The following CCDC102B variants were observed in gnomAD, a reference collection of about 807,000 sequenced individuals.
The protein encoded by CCDC102B is coiled-coil domain-containing protein 102B.
Under a neutral mutation model 57.4 loss-of-function variants are expected in CCDC102B, and 75 were observed. The observed-to-expected ratio is 1.31, with a 90% CI of 1.08 to 1.58. The LOEUF (loss-of-function observed/expected upper bound fraction) is 1.58, where lower values mean the gene tolerates loss of function less well. Among genes scored for constraint, CCDC102B ranks in the 40% most tolerant of loss-of-function variants. The pLI is 0.00. For missense variants in CCDC102B, 636 were observed against 582.6 expected, an observed-to-expected ratio of 1.09 and a Z score of -0.94; for synonymous variants, 206 against 201.9, an observed-to-expected ratio of 1.02 and a Z score of -0.17.
chr18:68,766,951 G>T (rs887561515), intron 2 of CCDC102B, among the ~76,000 whole-genome samples: 9 of 152,110 alleles, frequency 5.9e-5, no homozygotes, highest in Admixed American at 1.3e-4. Context: ...AAAGATAAAT[G>T]CTGTTTTTCC....
chr18:69,016,328 TCA>T (rs1393603637), intron 7 of CCDC102B, among the ~76,000 whole-genome samples: 2 of 152,058 alleles, frequency 1.3e-5, no homozygotes, highest in East Asian at 3.9e-4. Flanking sequence ...TAAACTGAAA[TCA>T]CAAGGTTAAG....
intron 6 of CCDC102B, among the ~76,000 whole-genome samples, chr18:69,004,258 A>C (rs2051281464): frequency 1.3e-5 from 2 of 152,166 alleles, no homozygotes; most frequent in South Asian, 4.1e-4. Flanking sequence ...TAGGTAGTAC[A>C]TTAGCTATGG....
chr18:68,736,115 G>T (rs1341470627), intron 2 of CCDC102B, among the ~76,000 whole-genome samples: 1 of 152,104 alleles, frequency 6.6e-6, no homozygotes, highest in East Asian at 1.9e-4. Context: ...AAATTATTTA[G>T]GTGGAGAGGA....
chr18:68,843,297 T>C (rs1599552684), intron 3 of CCDC102B, among the ~76,000 whole-genome samples: 1 of 152,334 alleles, frequency 6.6e-6, no homozygotes, highest in East Asian at 1.9e-4. Flanking sequence ...AATCATTTGA[T>C]TTGGTAAGAA....
chr18:69,049,042 C>CT (rs1044807046), intron 7 of CCDC102B, among the ~76,000 whole-genome samples: 45 of 145,326 alleles, frequency 3.1e-4, no homozygotes, highest in South Asian at 1.1e-3. Flanking sequence ...GATTTTCTTT[C>CT]TTTTTTTTTT....
intron 6 of CCDC102B, among the ~76,000 whole-genome samples, chr18:68,914,820 A>G (rs930700291): frequency 8.5e-5 from 13 of 152,214 alleles, no homozygotes; most frequent in Non-Finnish European, 1.3e-4. Flanking sequence ...GTGACCAGTA[A>G]CAAGCCATAG....
chr18:68,814,654 A>C (rs1401940001), intron 1 of CCDC102B, among the ~76,000 whole-genome samples: 1 of 152,144 alleles, frequency 6.6e-6, no homozygotes, highest in Non-Finnish European at 1.5e-5. Flanking sequence ...ATAAATGATA[A>C]GGTGAATATC....
At chr18:69,043,951 A>G (rs73453782) in intron 7 of CCDC102B, among the ~76,000 whole-genome samples, 7,616 of 152,204 alleles carry the variant, frequency 0.05, 269 homozygotes, top group East Asian at 0.16. Context: ...ACTGCCCCTG[A>G]AATTTTAGTT....
intron 6 of CCDC102B, among the ~76,000 whole-genome samples, chr18:68,928,103 AGTG>A (rs964933990): frequency 1.6e-4 from 25 of 152,026 alleles, no homozygotes; most frequent in Admixed American, 1.2e-3. Context: ...TCATTTGTAA[AGTG>A]GTGATTATAC....
At chr18:68,915,489 A>G (rs754765176) in intron 6 of CCDC102B, among the ~76,000 whole-genome samples, 1 of 152,256 alleles carries the variant, frequency 6.6e-6, no homozygotes, top group Non-Finnish European at 1.5e-5. Flanking sequence ...TGAGCATTTC[A>G]TAATGAATAC....
chr18:68,812,541 T>C (rs1278713486), intron 1 of CCDC102B, among the ~76,000 whole-genome samples: 2 of 152,190 alleles, frequency 1.3e-5, no homozygotes, highest in Non-Finnish European at 2.9e-5. Flanking sequence ...GAATAGCGTC[T>C]CTATAGTTTA....
intron 1 of CCDC102B, among the ~76,000 whole-genome samples, chr18:68,836,204 T>A (rs536714113): frequency 3.3e-5 from 5 of 152,260 alleles, no homozygotes; most frequent in Non-Finnish European, 5.9e-5. Flanking sequence ...TCATATGCTA[T>A]CTTCAATTGC....
chr18:68,793,866 G>C (rs1163975863), upstream of CCDC102B, among the ~76,000 whole-genome samples: 1 of 152,082 alleles, frequency 6.6e-6, no homozygotes, highest in African/African-American at 2.4e-5. Context: ...TTTTCTATTG[G>C]AATCAGGAAC....
At chr18:68,733,478 T>TTATATATATA (rs1301629816) in intron 2 of CCDC102B, among the ~76,000 whole-genome samples, 9 of 25,132 alleles carry the variant, frequency 3.6e-4, no homozygotes, top group African/African-American at 1.5e-3. Flanking sequence ...TTAGACAACT[T>TTATATATATA]TATATATATA....
intron 5 of CCDC102B, among the ~76,000 whole-genome samples, chr18:68,882,483 T>C (rs1158709332): frequency 6.6e-6 from 1 of 152,246 alleles, no homozygotes; most frequent in Non-Finnish European, 1.5e-5. Flanking sequence ...ACACAATCCA[T>C]TGATTTATTT....
intron 2 of CCDC102B, among the ~76,000 whole-genome samples, chr18:68,745,284 C>T (rs1160922931): frequency 1.3e-5 from 2 of 151,806 alleles, no homozygotes; most frequent in Non-Finnish European, 2.9e-5. Context: ...GGGGGCCTGG[C>T]TCACGTAGGG....
Position 68,924,676 on chromosome 18 carries a change from G to A in CCDC102B, c.1263+27248G>A, listed in dbSNP as rs184029861. ...AGAATTTCTATGTGAGGGGAGATAGGTAGTTCAGGGGACTTATCAATAGGC... is the reference window on the plus strand; with the variant it reads ...AGAATTTCTATGTGAGGGGAGATAGATAGTTCAGGGGACTTATCAATAGGC... On this transcript the variant is annotated intron_variant, in intron 6 of 7. Transcript: ENST00000360242. 2.1e-3 allele frequency among the ~76,000 whole-genome samples: 314 copies of A among 152,158 alleles called. 1 individual carries two copies. The highest frequency in any genetic ancestry group is 3.4e-3 in the Middle Eastern group (1 of 294).
intron 7 of CCDC102B, among the ~76,000 whole-genome samples, chr18:69,024,941 G>A (rs1403499657): frequency 2.0e-5 from 3 of 152,090 alleles, no homozygotes; most frequent in South Asian, 4.1e-4. Flanking sequence ...TAGGAAGATT[G>A]ATATTCTTTT....
At chr18:68,917,734 G>A (rs549895768) in intron 6 of CCDC102B, among the ~76,000 whole-genome samples, 1 of 152,050 alleles carries the variant, frequency 6.6e-6, no homozygotes, top group East Asian at 1.9e-4. Flanking sequence ...CTTTCTTTTA[G>A]CATCATCTGA....
Sources: allele counts gnomAD v4.1 joint callset (sites outside exome capture counted in the v4.1 genomes callset), GRCh38; gene constraint gnomAD v4.1.1; transcripts MANE v1.5; gene names NCBI Gene and HGNC (gene_info 2026-07-23, HGNC 2026-07-21).